The following MAML3 variants were observed in gnomAD, a reference collection of about 807,000 sequenced individuals.
MAML3 encodes mastermind-like protein 3.
MAML3 carries 27 observed loss-of-function variants against 101.9 expected under a neutral mutation model. That is an observed-to-expected ratio of 0.27 (90% CI 0.20 to 0.37). The LOEUF is 0.37. MAML3 is among the 10% of genes least tolerant of loss of function. The pLI, the probability that MAML3 is intolerant of heterozygous loss-of-function variation, is 1.00. For missense variants in MAML3, 1,316 were observed against 1,444.9 expected (o/e 0.91, Z 1.45); for synonymous variants, 501 against 555.9 (o/e 0.90, Z 1.39).
At chr4:139,898,641 A>G (rs569372925) in intron 1 of MAML3, among the ~76,000 whole-genome samples, 1 of 152,348 alleles carries the variant, frequency 6.6e-6, no homozygotes, top group South Asian at 2.1e-4. Context: ...TGCAGATGCT[A>G]TAACTAGTTT....
At chr4:139,773,348 T>C (rs771984610) in intron 2 of MAML3, among the ~76,000 whole-genome samples, 3 of 152,198 alleles carry the variant, frequency 2.0e-5, no homozygotes, top group East Asian at 1.9e-4. Context: ...GTTCATCAGA[T>C]CAGAGACTTA....
At chr4:140,124,531 G>T (rs759359530) in intron 1 of MAML3, among the ~76,000 whole-genome samples, 5 of 152,088 alleles carry the variant, frequency 3.3e-5, no homozygotes, top group Admixed American at 6.5e-5. Context: ...TCTCTTAAGC[G>T]TCTGGAGACC....
At position 139,730,450 on chromosome 4, in the gene MAML3, TGC is replaced by T; in HGVS notation, c.2295_2296del (p.Gln766AlafsTer96). 6.4e-7 allele frequency: 1 copy of T among 1,552,128 alleles called. No homozygotes were observed. The highest frequency in any genetic ancestry group is 1.2e-5 in the South Asian group (1 of 84,086). ...CAAAATCTGCTGCTGCTGCTGCTGCTGCTGCTGCCTTTGCTCCCGCAGGAACT... is the reference window on the plus strand; with the variant it reads ...CAAAATCTGCTGCTGCTGCTGCTGCTTGCTGCCTTTGCTCCCGCAGGAACT... On this transcript the variant is annotated frameshift_variant, in exon 3 of 5. Transcript: ENST00000509479. LOFTEE classifies it high-confidence loss of function.
At chr4:139,787,301 TG>T (rs1256680126) in intron 2 of MAML3, among the ~76,000 whole-genome samples, 1 of 152,262 alleles carries the variant, frequency 6.6e-6, no homozygotes, top group East Asian at 1.9e-4. Context: ...TACGGAACAC[TG>T]GCTAAAGACC....
In MAML3 at chr4:139,941,894, G is replaced by A. The variant is rs1041852390; in HGVS notation, c.469-50927C>T. ...CACACCTATAATCCCAACCTTTTGG[G>A]AGGCTGAGGTGGATGGATCACCAGA... On this transcript the variant is annotated intron_variant, in intron 1 of 4. Coordinates refer to ENST00000509479, the MANE Select transcript of MAML3 (RefSeq NM_018717.5). Among the ~76,000 whole-genome samples, 10 of 152,248 alleles carry A rather than the reference G, an allele frequency of 6.6e-5. No individual in the cohort carries two copies. In the South Asian group the frequency reaches 1.7e-3, roughly 25 times the overall value.
At chr4:139,990,978 A>G (rs1319836070) in intron 1 of MAML3, among the ~76,000 whole-genome samples, 1 of 152,228 alleles carries the variant, frequency 6.6e-6, no homozygotes, top group Non-Finnish European at 1.5e-5. Context: ...CATACTGCCC[A>G]AGGTAATTTA....
chr4:140,131,436 A>G (rs924670145), intron 1 of MAML3, among the ~76,000 whole-genome samples: 1 of 152,204 alleles, frequency 6.6e-6, no homozygotes, highest in Non-Finnish European at 1.5e-5. Context: ...TACTTCTGCT[A>G]TAGAACTTAG....
chr4:139,947,750 T>TCAAAA (rs1056861439), intron 1 of MAML3, among the ~76,000 whole-genome samples: 82 of 152,154 alleles, frequency 5.4e-4, no homozygotes, highest in Non-Finnish European at 6.6e-4. Context: ...GTCTCAAAAA[T>TCAAAA]CAAAACAAAA....
chr4:140,054,016 C>CT (rs1446564296), intron 1 of MAML3, among the ~76,000 whole-genome samples: 4 of 152,086 alleles, frequency 2.6e-5, no homozygotes, highest in African/African-American at 9.7e-5. Context: ...TTTCTCTTCA[C>CT]TTTTAAATTA....
At chr4:140,138,593 C>T (rs929408016) in intron 1 of MAML3, among the ~76,000 whole-genome samples, 1 of 152,134 alleles carries the variant, frequency 6.6e-6, no homozygotes, top group African/African-American at 2.4e-5. Context: ...GAGGAAATAC[C>T]TTAAGTGATT....
chr4:140,016,682 G>C (rs10024716), intron 1 of MAML3, among the ~76,000 whole-genome samples: 64,889 of 151,954 alleles, frequency 0.43, 15,020 homozygotes, highest in East Asian at 0.65. Flanking sequence ...GCAATTTCAC[G>C]GAGGAAGGAC....
rs140360426 is a variant in MAML3 at position 139,725,688 on chromosome 4, T to C, written c.2416+63A>G. On this transcript the variant is annotated intron_variant, in intron 4 of 4. Coordinates refer to ENST00000509479, the MANE Select transcript of MAML3 (RefSeq NM_018717.5). ...CAGCCAGTAAGGCAATGCCTCTGGC[T>C]ACACATTCACTTACGCTTCACCACT... 5.3e-6 allele frequency: 8 copies of C among 1,497,382 alleles called. No homozygotes were observed. In the African/African-American group the frequency reaches 8.3e-5, roughly 15 times the overall value. The allele number at this position is 1,497,382 out of a possible 1,614,324, so 92.8% of individuals were successfully genotyped here. A position where few individuals can be genotyped will look rare whatever the true frequency, so the allele number is the denominator to read the frequency against.
At chr4:139,875,013 C>T (rs1195501023) in intron 2 of MAML3, among the ~76,000 whole-genome samples, 2 of 152,134 alleles carry the variant, frequency 1.3e-5, no homozygotes, top group Non-Finnish European at 2.9e-5. Context: ...CCATGTTAGC[C>T]AGGATGGTCT....
At chr4:139,873,039 G>A (rs1435503547) in intron 2 of MAML3, among the ~76,000 whole-genome samples, 1 of 152,136 alleles carries the variant, frequency 6.6e-6, no homozygotes, top group Non-Finnish European at 1.5e-5. Context: ...CTGAGATTGT[G>A]CCACTGCACT....
chr4:139,828,117 G>T (rs1474783477), intron 2 of MAML3, among the ~76,000 whole-genome samples: 2 of 152,300 alleles, frequency 1.3e-5, no homozygotes, highest in East Asian at 3.9e-4. Flanking sequence ...CTCTATGTAG[G>T]TTCCTACATA....
chr4:140,069,652 GAGA>G (rs1473396996), intron 1 of MAML3, among the ~76,000 whole-genome samples: 2 of 149,660 alleles, frequency 1.3e-5, no homozygotes, highest in Non-Finnish European at 3.0e-5. Flanking sequence ...GAAGGAGGAG[GAGA>G]AGGAGAAGGA....
chr4:140,130,227 T>C (rs1170783136), intron 1 of MAML3, among the ~76,000 whole-genome samples: 1 of 152,230 alleles, frequency 6.6e-6, no homozygotes, highest in African/African-American at 2.4e-5. Flanking sequence ...AGAATCACTA[T>C]GTAAACCCCA....
At chr4:139,962,948 G>A (rs1329682897) in intron 1 of MAML3, among the ~76,000 whole-genome samples, 1 of 152,094 alleles carries the variant, frequency 6.6e-6, no homozygotes. Flanking sequence ...CAGGTAAAGG[G>A]AACGGCAATA....
At chr4:139,939,316 T>C (rs1334862301) in intron 1 of MAML3, among the ~76,000 whole-genome samples, 2 of 152,234 alleles carry the variant, frequency 1.3e-5, no homozygotes, top group African/African-American at 2.4e-5. Context: ...AGTCCAACTC[T>C]AGATGTCATT....
Sources: allele counts gnomAD v4.1 joint callset (sites outside exome capture counted in the v4.1 genomes callset), GRCh38; gene constraint gnomAD v4.1.1; transcripts MANE v1.5; gene names NCBI Gene and HGNC (gene_info 2026-07-23, HGNC 2026-07-21).